Variants in METTL25 observed in about 807,000 individuals in gnomAD.
The protein encoded by METTL25 is probable methyltransferase-like protein 25.
METTL25 carries 64 observed loss-of-function variants against 71.6 expected under a neutral mutation model. The observed-to-expected ratio is 0.89, with a 90% CI of 0.73 to 1.10. The LOEUF (loss-of-function observed/expected upper bound fraction) is 1.10. Ranked by LOEUF, METTL25 falls within the 50% of genes least tolerant of loss-of-function variation. The probability of loss-of-function intolerance (pLI) is 0.00; values close to 1 mark genes in which losing one functional copy is unlikely to be tolerated. For synonymous variants in METTL25, 287 were observed against 250.3 expected, an observed-to-expected ratio of 1.15 and a Z score of -1.38; for missense variants, 807 against 707.0, an observed-to-expected ratio of 1.14 and a Z score of -1.60.
rs1300486133 is a variant in METTL25 at position 82,365,431 on chromosome 12, A to C, written c.259+6607A>C. ...AAAGTTAGTACATAATATAGGCGAGATTAACCATCTGCAGCAAAAAAGCCA... is the reference window on the plus strand; with the variant it reads ...AAAGTTAGTACATAATATAGGCGAGCTTAACCATCTGCAGCAAAAAAGCCA... On this transcript the variant is annotated intron_variant, in intron 1 of 11. Coordinates refer to ENST00000248306, the MANE Select transcript of METTL25 (RefSeq NM_032230.3). Among the ~76,000 whole-genome samples the C allele has an allele frequency of 2.0e-5, 3 of 152,358 alleles. No homozygotes were observed. The East Asian group carries it at 5.8e-4, about 29-fold the overall frequency.
At chr12:82,377,100 C>A (rs1883950556) in intron 1 of METTL25, among the ~76,000 whole-genome samples, 1 of 150,792 alleles carries the variant, frequency 6.6e-6, no homozygotes, top group African/African-American at 2.4e-5. Flanking sequence ...GTGACAAGAG[C>A]AAGACTCTGT....
chr12:82,369,384 CA>C (rs1882943500), intron 1 of METTL25: 4 of 405,098 alleles, frequency 9.9e-6, no homozygotes, highest in Admixed American at 5.9e-5. Flanking sequence ...TTGTTCCTCC[CA>C]GTGGGTTCTT....
chr12:82,360,676 C>G (rs1881736888), intron 1 of METTL25, among the ~76,000 whole-genome samples: 2 of 151,954 alleles, frequency 1.3e-5, no homozygotes, highest in African/African-American at 4.8e-5. Flanking sequence ...GACGAGGGAG[C>G]CTACAAGGTA....
At chr12:82,435,277 A>G (rs1003389082) in intron 7 of METTL25, among the ~76,000 whole-genome samples, 7 of 151,382 alleles carry the variant, frequency 4.6e-5, no homozygotes, top group African/African-American at 1.5e-4. Flanking sequence ...GGACCCTTTC[A>G]TAAAATTTTT....
intron 1 of METTL25, among the ~76,000 whole-genome samples, chr12:82,385,198 C>A (rs114108556): frequency 0.013 from 2,005 of 152,206 alleles, 37 homozygotes; most frequent in African/African-American, 0.046. Context: ...ATTACCACCA[C>A]CAGCTTAATA....
chr12:82,372,805 A>G (rs886879780), intron 1 of METTL25, among the ~76,000 whole-genome samples: 2 of 152,134 alleles, frequency 1.3e-5, no homozygotes, highest in African/African-American at 4.8e-5. Flanking sequence ...CCCCCTGCCC[A>G]AGAACCCACA....
intron 1 of METTL25, among the ~76,000 whole-genome samples, chr12:82,359,505 A>G (rs1881517832): frequency 6.6e-6 from 1 of 152,246 alleles, no homozygotes; most frequent in African/African-American, 2.4e-5. Context: ...CCTAATTCAC[A>G]TTTGAAAAGA....
Position 82,476,676 on chromosome 12 carries a change from G to T in METTL25, c.1605G>T (p.Glu535Asp). 1 of 1,601,306 alleles carries T rather than the reference G, an allele frequency of 6.2e-7. No homozygotes were observed. Among genetic ancestry groups the T allele is most frequent in the African/African-American group, 1.3e-5 (1 of 74,332 alleles). ...AAAAAATTATAATGAACTACTACGA[G>T]AAGTATAAGCCTCGAATGAATGAGC... is the stretch of plus-strand genomic sequence containing the variant. The part of the protein sequence containing the change: ...LPEKIIMNYY[E>D]KYKPRMNELE... Residue 535 changes from glutamate to aspartate, a missense_variant, in exon 10 of 12, where the codon GAG becomes GAT. By Grantham distance (45) the Glu-to-Asp change is conservative (BLOSUM62 2). Transcript: ENST00000248306.
chr12:82,381,275 A>G (rs1486878882), intron 1 of METTL25, among the ~76,000 whole-genome samples: 1 of 152,194 alleles, frequency 6.6e-6, no homozygotes, highest in Non-Finnish European at 1.5e-5. Flanking sequence ...GAGTTAAAAT[A>G]CTGTGGTTAC....
intron 9 of METTL25, among the ~76,000 whole-genome samples, chr12:82,464,571 T>C (rs1318655303): frequency 6.6e-6 from 1 of 151,898 alleles, no homozygotes; most frequent in Non-Finnish European, 1.5e-5. Flanking sequence ...GTTCTTTTGG[T>C]TCAAGATTGC....
At chr12:82,415,916 G>A (rs1010103875) in intron 5 of METTL25, among the ~76,000 whole-genome samples, 8 of 152,246 alleles carry the variant, frequency 5.3e-5, no homozygotes, top group African/African-American at 1.7e-4. Flanking sequence ...GCGTGGCCCA[G>A]TAGGAAACAA....
At chr12:82,367,499 A>G (rs921924343) in intron 1 of METTL25, among the ~76,000 whole-genome samples, 1 of 152,178 alleles carries the variant, frequency 6.6e-6, no homozygotes, top group African/African-American at 2.4e-5. Flanking sequence ...ACCTCAGTTC[A>G]TAATCCGCCA....
intron 5 of METTL25, among the ~76,000 whole-genome samples, chr12:82,424,391 TG>T (rs952261534): frequency 1.4e-5 from 2 of 144,002 alleles, no homozygotes; most frequent in Non-Finnish European, 3.0e-5. Flanking sequence ...TGTTGTGGGG[TG>T]GGGGAAGGGG....
chr12:82,423,052 A>G (rs1008808693), intron 5 of METTL25, among the ~76,000 whole-genome samples: 3 of 152,192 alleles, frequency 2.0e-5, no homozygotes, highest in African/African-American at 4.8e-5. Flanking sequence ...ACTAAAGTTC[A>G]TATGGAACCA....
chr12:82,401,067 A>T (rs995712742), intron 4 of METTL25, among the ~76,000 whole-genome samples: 3 of 152,094 alleles, frequency 2.0e-5, no homozygotes, highest in Admixed American at 1.3e-4. Flanking sequence ...AATCATCAAG[A>T]AAAGCAGAGT....
chr12:82,476,767 A>G (rs1219859105), intron 10 of METTL25, 49 bp downstream of exon 10: 2 of 1,192,734 alleles, frequency 1.7e-6, no homozygotes, highest in East Asian at 2.4e-5. Flanking sequence ...GCTAGACTTG[A>G]ATAGGGTCCT....
intron 3 of METTL25, among the ~76,000 whole-genome samples, chr12:82,397,636 AT>A (rs969692248): frequency 6.6e-6 from 1 of 151,732 alleles, no homozygotes. Context: ...GCAGACAAAA[AT>A]TTTTTTTCTT....
chr12:82,419,176 G>A (rs1318192744), intron 5 of METTL25, among the ~76,000 whole-genome samples: 1 of 151,944 alleles, frequency 6.6e-6, no homozygotes. Flanking sequence ...AATTTTCAGT[G>A]CAGATAAAAG....
intron 1 of METTL25, among the ~76,000 whole-genome samples, chr12:82,368,642 A>C (rs1882844175): frequency 6.6e-6 from 1 of 152,222 alleles, no homozygotes; most frequent in Non-Finnish European, 1.5e-5. Context: ...ATAACCAAAA[A>C]TAGTTATAAG....
Sources: gnomAD v4.1 joint callset for allele counts (sites outside exome capture counted in the v4.1 genomes callset) on GRCh38, gnomAD v4.1.1 for gene constraint, MANE v1.5 for transcripts, NCBI Gene and HGNC (gene_info 2026-07-23, HGNC 2026-07-21) for gene names.